NOD2: variants seen among roughly 807,000 people sequenced by gnomAD.
NOD2 encodes the protein nucleotide binding oligomerization domain containing 2.
NOD2 carries 86 observed loss-of-function variants against 90.9 expected under a neutral mutation model. The ratio of observed to expected loss-of-function variants is 0.95; its 90% CI spans 0.79 to 1.13. NOD2 has a LOEUF of 1.13. Ranked by LOEUF, NOD2 falls within the 50% of genes most tolerant of loss-of-function variation. The probability of loss-of-function intolerance (pLI) is 0.00; values close to 1 mark genes in which losing one functional copy is unlikely to be tolerated. For missense variants in NOD2, 1,238 were observed against 1,283.8 expected (o/e 0.96, Z 0.55); for synonymous variants, 581 against 554.6 (o/e 1.05, Z -0.67).
At position 50,710,853 on chromosome 16, in the gene NOD2, G is replaced by A; in HGVS notation, c.861G>A (p.Leu287=). 1 of 1,614,108 alleles carries A rather than the reference G, an allele frequency of 6.2e-7. No homozygotes were observed. Among genetic ancestry groups the A allele is most frequent in the South Asian group, 1.1e-5 (1 of 91,090 alleles). ...GCACGCTCCTGCAGCGGCTGCACTTGCTGTGGGCTGCAGGGCAAGACTTCC... is the reference window on the plus strand; with the variant it reads ...GCACGCTCCTGCAGCGGCTGCACTTACTGTGGGCTGCAGGGCAAGACTTCC... ...GKSTLLQRLH[L]LWAAGQDFQE... The change falls in exon 4 of 12, where the codon TTG becomes TTA. Residue 287 remains leucine, a synonymous_variant. Coordinates refer to ENST00000647318, the MANE Select transcript of NOD2 (RefSeq NM_001370466.1).
At chr16:50,710,427 G>A in intron 3 of NOD2, 131 bp from the exon 4 acceptor site, 1 of 1,225,740 alleles carries the variant, frequency 8.2e-7, no homozygotes, top group Non-Finnish European at 1.2e-6. Context: ...GAATGGAGGA[G>A]CCAGGATGGG....
intron 10 of NOD2, chr16:50,727,696 CT>C: frequency 2.7e-6 from 1 of 367,440 alleles, no homozygotes; most frequent in African/African-American, 2.1e-5. Context: ...ACTTTTGAAG[CT>C]TTGGTTGTGT....
rs200089552 is a variant in NOD2 at position 50,699,541 on chromosome 16, G to A, written c.46G>A (p.Glu16Lys). The A allele has an allele frequency of 2.7e-4, 435 of 1,613,838 alleles. No homozygotes were observed. Among genetic ancestry groups the A allele is most frequent in the Non-Finnish European group, 3.5e-4 (409 of 1,180,012 alleles). ...TCAGGCACAGAGGAGCCAGCTGGTC[G>A]AGCTGCTGGTCTCAGGGTCCCTGGA... Reference protein sequence around the residue: ...AFQAQRSQLVELLVSGSLEGF... With the variant: ...AFQAQRSQLVKLLVSGSLEGF... Residue 16 changes from glutamate (E) to lysine (K), a missense_variant, in exon 2 of 12, where the codon GAG (glutamate) becomes AAG (lysine). Glu to Lys is a moderately conservative substitution (Grantham distance 56). Coordinates refer to ENST00000647318, the MANE Select transcript of NOD2 (RefSeq NM_001370466.1).
chr16:50,704,687 C>T (rs1237733894), intron 2 of NOD2, among the ~76,000 whole-genome samples: 2 of 152,116 alleles, frequency 1.3e-5, no homozygotes, highest in African/African-American at 4.8e-5. Context: ...GCACCCACCA[C>T]CACACCCTTT....
At chr16:50,727,893 CTTT>C in intron 10 of NOD2, 2 of 266,344 alleles carry the variant, frequency 7.5e-6, no homozygotes, top group Admixed American at 4.4e-5. Flanking sequence ...TGACCATGAC[CTTT>C]TTTTTTTGGT....
Position 50,722,626 on chromosome 16 carries a change from T to C in NOD2, c.2638T>C (p.Trp880Arg), listed in dbSNP as rs104895490. ...GNTSLQFLGF[W>R]GNRVGDEGAQ... ...TGACTCTTTTGGCCTTTTCAGATTC[T>C]GGGGCAACAGAGTGGGTGACGAGGG... Residue 880 changes from tryptophan (W) to arginine (R), a missense_variant, in exon 8 of 12, where the codon TGG (tryptophan) becomes CGG (arginine). Trp to Arg is a moderately radical substitution (Grantham distance 101). Coordinates refer to ENST00000647318, the MANE Select transcript of NOD2 (RefSeq NM_001370466.1). The C allele has an allele frequency of 1.2e-6, 2 of 1,614,214 alleles. No homozygotes were observed. The highest frequency in any genetic ancestry group is 8.5e-7 in the Non-Finnish European group (1 of 1,180,018).
At chr16:50,723,206 C>G in intron 8 of NOD2, 95 bp from the exon 9 acceptor site, 4 of 910,222 alleles carry the variant, frequency 4.4e-6, no homozygotes, top group Non-Finnish European at 7.1e-6. Flanking sequence ...ATGGAGCAGA[C>G]CAGGAGAGCA....
intron 8 of NOD2, 98 bp downstream of exon 8, chr16:50,722,803 C>G (rs1243303332): frequency 1.3e-5 from 14 of 1,103,148 alleles, no homozygotes; most frequent in Non-Finnish European, 1.1e-5. Flanking sequence ...TTATTTCTAC[C>G]CCACAATGTT....
rs750655947 is a variant in NOD2, at chr16:50,711,042, C to G, written c.1050C>G (p.Thr350=). The G allele has an allele frequency of 6.2e-7, 1 of 1,614,220 alleles. No homozygotes were observed. Among genetic ancestry groups the G allele is most frequent in the Admixed American group, 1.7e-5 (1 of 60,032 alleles). The change falls in exon 4 of 12, where the codon ACC becomes ACG. Residue 350 remains threonine, a synonymous_variant. Transcript: ENST00000647318. ...LLDHPDRVLL[T]FDGFDEFKFR... ...ACCACCCTGACCGTGTCCTGTTAACCTTTGATGGCTTTGACGAGTTCAAGT... is the reference window on the plus strand; with the variant it reads ...ACCACCCTGACCGTGTCCTGTTAACGTTTGATGGCTTTGACGAGTTCAAGT...
intron 6 of NOD2, among the ~76,000 whole-genome samples, chr16:50,719,545 G>C (rs1964948152): frequency 6.6e-6 from 1 of 152,206 alleles, no homozygotes; most frequent in Admixed American, 6.5e-5. Context: ...AGCAACAACA[G>C]ATCTGGGAAG....
At chr16:50,725,953 G>A (rs539044636) in intron 10 of NOD2, among the ~76,000 whole-genome samples, 21 of 152,338 alleles carry the variant, frequency 1.4e-4, no homozygotes, top group African/African-American at 5.1e-4. Context: ...CCAACCCTCT[G>A]TCCTTCCTAT....
chr16:50,699,521 C>A lies in NOD2; in HGVS notation c.26C>A (p.Ala9Glu). 3 of 1,613,748 alleles carry A rather than the reference C, an allele frequency of 1.9e-6. No individual in the cohort carries two copies. The highest frequency in any genetic ancestry group is 2.5e-6 in the Non-Finnish European group (3 of 1,179,996). MCSQEAFQ[A>E]QRSQLVELLV... ...ATGTGCTCGCAGGAGGCTTTTCAGGCACAGAGGAGCCAGCTGGTCGAGCTG... is the reference window on the plus strand; with the variant it reads ...ATGTGCTCGCAGGAGGCTTTTCAGGAACAGAGGAGCCAGCTGGTCGAGCTG... The change falls in exon 2 of 12, where the codon GCA becomes GAA. Residue 9 changes from alanine to glutamate, a missense_variant. Physicochemically the swap from Ala to Glu is moderately radical, Grantham distance 107. Transcript: ENST00000647318.
intron 7 of NOD2, among the ~76,000 whole-genome samples, chr16:50,721,445 T>A (rs1965057814): frequency 6.6e-6 from 1 of 151,798 alleles, no homozygotes; most frequent in African/African-American, 2.4e-5. Context: ...TTATAGGAAT[T>A]TTTTTAGGTC....
In NOD2 at chr16:50,712,361, G is replaced by A. The variant is rs758782544; in HGVS notation, c.2369G>A (p.Cys790Tyr). 5.0e-6 allele frequency: 8 copies of A among 1,613,788 alleles called. No individual in the cohort carries two copies. Among genetic ancestry groups the A allele is most frequent in the Non-Finnish European group, 6.8e-6 (8 of 1,180,034 alleles). Residue 790 changes from cysteine (C) to tyrosine (Y), a missense_variant, in exon 4 of 12, where the codon TGC (cysteine) becomes TAC (tyrosine). Cys to Tyr is a radical substitution (Grantham distance 194, BLOSUM62 -2). This residue lies in a region of NOD2 where 667 missense variants were observed against 688.7 expected (regional missense o/e 0.97). Transcript: ENST00000647318. ...CAGCTGCTGCCTTGCCTTGGTGTCT[G>A]CAAGGCTCTGTAGTGAGTGTTACTG... ...VEQLLPCLGV[C>Y]KALYLRDNNI...
chr16:50,729,267 T>C (rs1965370279), intron 10 of NOD2: 1 of 181,028 alleles, frequency 5.5e-6, no homozygotes, highest in Admixed American at 5.4e-5. Flanking sequence ...ACTGTGCAAG[T>C]GTTTTAGGCA....
intron 3 of NOD2, 115 bp downstream of exon 3, chr16:50,708,075 T>C (rs1233465790): frequency 6.6e-6 from 5 of 762,420 alleles, no homozygotes; most frequent in Non-Finnish European, 1.2e-5. Flanking sequence ...AGCCTCCCTA[T>C]GACTCAATTT....
At chr16:50,696,932 C>T (rs776383799) in intron 1 of NOD2, among the ~76,000 whole-genome samples, 2 of 152,216 alleles carry the variant, frequency 1.3e-5, no homozygotes, top group Non-Finnish European at 2.9e-5. Flanking sequence ...GCTTGGTGTG[C>T]AAGGGAGGGG....
intron 2 of NOD2, among the ~76,000 whole-genome samples, chr16:50,702,041 G>A (rs1015373534): frequency 2.0e-5 from 3 of 152,148 alleles, no homozygotes; most frequent in African/African-American, 7.2e-5. Flanking sequence ...GAACTTCTGG[G>A]CTGAAGTGAT....
At chr16:50,704,457 C>G (rs1318292635) in intron 2 of NOD2, among the ~76,000 whole-genome samples, 1 of 152,090 alleles carries the variant, frequency 6.6e-6, no homozygotes, top group African/African-American at 2.4e-5. Context: ...GGCTGGCCAT[C>G]ATTTTCCTTC....
Sources: allele counts gnomAD v4.1 joint callset (sites outside exome capture counted in the v4.1 genomes callset), GRCh38; gene constraint gnomAD v4.1.1; regional missense constraint gnomAD v4.1.1; transcripts MANE v1.5; gene names NCBI Gene and HGNC (gene_info 2026-07-23, HGNC 2026-07-21).